SIPA1L1: variants seen among roughly 807,000 people sequenced by gnomAD.
The protein encoded by SIPA1L1 is signal induced proliferation associated 1 like 1, also known as signal-induced proliferation-associated 1-like protein 1.
A neutral mutation model predicts 162.7 loss-of-function variants in SIPA1L1; 26 were observed. That is an observed-to-expected ratio of 0.16 (90% CI 0.12 to 0.22). The LOEUF (loss-of-function observed/expected upper bound fraction) is 0.22. Among genes scored for constraint, SIPA1L1 ranks in the 10% least tolerant of loss-of-function variants. The pLI, the probability that SIPA1L1 is intolerant of heterozygous loss-of-function variation, is 1.00. For synonymous variants in SIPA1L1, 829 were observed against 837.4 expected, an observed-to-expected ratio of 0.99 and a Z score of 0.17; for missense variants, 1,874 against 2,241.0, an observed-to-expected ratio of 0.84 and a Z score of 3.31.
At chr14:71,495,886 C>CAAAA (rs61183823) in intron 2 of SIPA1L1, among the ~76,000 whole-genome samples, 123 of 37,878 alleles carry the variant, frequency 3.2e-3, no homozygotes, top group African/African-American at 7.3e-3. Flanking sequence ...TCCATCTCTA[C>CAAAA]AAAAAAAAAA....
At chr14:71,453,304 G>A (rs967812201) in intron 2 of SIPA1L1, among the ~76,000 whole-genome samples, 4 of 152,030 alleles carry the variant, frequency 2.6e-5, no homozygotes, top group African/African-American at 7.2e-5. Context: ...TGCTCTGCTG[G>A]CCAGGCTGTA....
chr14:71,630,840 A>G (rs1246847807), intron 7 of SIPA1L1, among the ~76,000 whole-genome samples: 1 of 151,732 alleles, frequency 6.6e-6, no homozygotes, highest in East Asian at 1.9e-4. Flanking sequence ...ATGCATATGC[A>G]GCTTTATTTC....
At chr14:71,448,305 A>T (rs2045566564) in intron 2 of SIPA1L1, among the ~76,000 whole-genome samples, 3 of 152,168 alleles carry the variant, frequency 2.0e-5, no homozygotes, top group Non-Finnish European at 4.4e-5. Flanking sequence ...TTGATCAATC[A>T]GTTGCCATGT....
intron 5 of SIPA1L1, among the ~76,000 whole-genome samples, chr14:71,590,579 A>T (rs2035257123): frequency 6.6e-6 from 1 of 152,180 alleles, no homozygotes; most frequent in Admixed American, 6.6e-5. Context: ...AGGCTTGTTG[A>T]CGGAAACAAT....
At chr14:71,693,184 T>TTTGAATGTTATATTGGCG (rs2081368898) in intron 13 of SIPA1L1, among the ~76,000 whole-genome samples, 1 of 152,192 alleles carries the variant, frequency 6.6e-6, no homozygotes, top group African/African-American at 2.4e-5. Context: ...GAGCATTTCA[T>TTTGAATGTTATATTGGCG]TTGAATGTTA....
In SIPA1L1 at chr14:71,705,255, T is replaced by A. The variant is rs749456690; in HGVS notation, c.3680T>A (p.Val1227Glu). The change falls in exon 16 of 24, where the codon GTA (valine) becomes GAA (glutamate). Residue 1227 changes from valine (V) to glutamate (E), a missense_variant. Transcript: ENST00000381232. ...PTCHLPAVSK[V>E]LPAFRESPSG... is the part of the protein sequence containing the mutation. Reference sequence around the variant, plus strand: ...TGCCATCTCCCAGCAGTATCAAAGGTACTGCCAGCTTTCCGAGAGAGCCCC... The same window carrying A: ...TGCCATCTCCCAGCAGTATCAAAGGAACTGCCAGCTTTCCGAGAGAGCCCC... 1 of 1,614,164 alleles carries A rather than the reference T, an allele frequency of 6.2e-7. No individual in the cohort carries two copies. The highest frequency in any genetic ancestry group is 2.2e-5 in the East Asian group (1 of 44,874).
At chr14:71,618,927 T>TG in intron 6 of SIPA1L1, 40 bp downstream of exon 6, 1 of 1,603,012 alleles carries the variant, frequency 6.2e-7, no homozygotes, top group Non-Finnish European at 8.5e-7. Context: ...TTAACTGAAA[T>TG]GGGGAAGAAA....
At chr14:71,345,095 G>T (rs966896230) in intron 2 of SIPA1L1, among the ~76,000 whole-genome samples, 6 of 152,132 alleles carry the variant, frequency 3.9e-5, no homozygotes, top group African/African-American at 7.2e-5. Flanking sequence ...AAGAGCCCAG[G>T]TGGGAGTGGG....
chr14:71,623,068 C>A (rs1268629304), intron 6 of SIPA1L1, among the ~76,000 whole-genome samples: 2 of 152,196 alleles, frequency 1.3e-5, no homozygotes, highest in African/African-American at 2.4e-5. Flanking sequence ...TTCAGTGGGG[C>A]CTTTCTTTAT....
At chr14:71,381,534 ATGTT>A (rs777532415) in intron 2 of SIPA1L1, among the ~76,000 whole-genome samples, 3 of 152,236 alleles carry the variant, frequency 2.0e-5, no homozygotes, top group Non-Finnish European at 4.4e-5. Flanking sequence ...ATATAACTGA[ATGTT>A]TGTATTTGTT....
At chr14:71,406,441 G>A (rs1297823673) in intron 2 of SIPA1L1, among the ~76,000 whole-genome samples, 1 of 152,016 alleles carries the variant, frequency 6.6e-6, no homozygotes, top group Non-Finnish European at 1.5e-5. Context: ...ATGACTTGGG[G>A]TCAAAGAACC....
chr14:71,400,779 T>G (rs536274454), intron 2 of SIPA1L1: 9 of 152,300 alleles, frequency 5.9e-5, no homozygotes, highest in Admixed American at 4.6e-4. Context: ...TAATGTTTTG[T>G]CGTATTTGCT....
intron 8 of SIPA1L1, among the ~76,000 whole-genome samples, chr14:71,655,969 T>G (rs2043020249): frequency 1.3e-5 from 2 of 152,192 alleles, no homozygotes; most frequent in Admixed American, 1.3e-4. Context: ...TCTTTTTTCA[T>G]TCTTTCTGGT....
In SIPA1L1 at chr14:71,590,038, AAAAAAAATAT is replaced by A. The variant is rs1489169314; in HGVS notation, c.1498+670_1498+679del. Reference sequence around the variant, plus strand: ...TGGGAGAGTAAAAAAAAAAAAAAAAAAAAAAAATATATATATATATATATATATATATATA... The same window carrying A: ...TGGGAGAGTAAAAAAAAAAAAAAAAAATATATATATATATATATATATATA... On this transcript the variant is annotated intron_variant, in intron 5 of 23. Coordinates refer to ENST00000381232, the MANE Select transcript of SIPA1L1 (RefSeq NM_001386936.1). Among the ~76,000 whole-genome samples the A allele has an allele frequency of 9.4e-3, 636 of 67,852 alleles. 2 individuals are homozygous for A. Among genetic ancestry groups the A allele is most frequent in the African/African-American group, 0.038 (612 of 16,230 alleles). The allele number at this position is 67,852 out of a possible 152,430, so 44.5% of individuals were successfully genotyped here. A position where few individuals can be genotyped will look rare whatever the true frequency, so the allele number is the denominator to read the frequency against.
intron 4 of SIPA1L1, among the ~76,000 whole-genome samples, chr14:71,532,484 C>T (rs946340399): frequency 1.3e-5 from 2 of 152,120 alleles, no homozygotes; most frequent in Non-Finnish European, 2.9e-5. Flanking sequence ...TTGTGGGGAA[C>T]GGCCCCCTGG....
At chr14:71,679,679 A>G (rs1566635297) in intron 12 of SIPA1L1, among the ~76,000 whole-genome samples, 1 of 152,386 alleles carries the variant, frequency 6.6e-6, no homozygotes, top group East Asian at 1.9e-4. Context: ...TGCTATATTC[A>G]GGAGACCCAT....
intron 2 of SIPA1L1, among the ~76,000 whole-genome samples, chr14:71,474,254 A>G (rs1033602440): frequency 2.0e-5 from 3 of 152,366 alleles, no homozygotes; most frequent in African/African-American, 7.2e-5. Context: ...TCAACTATGA[A>G]GTTAGCTGGA....
intron 2 of SIPA1L1, among the ~76,000 whole-genome samples, chr14:71,394,052 C>T (rs1040027724): frequency 1.3e-5 from 2 of 152,196 alleles, no homozygotes; most frequent in Non-Finnish European, 2.9e-5. Flanking sequence ...GCTAGGGCAG[C>T]GTTGTTATCT....
intron 5 of SIPA1L1, among the ~76,000 whole-genome samples, chr14:71,616,901 G>A (rs1252468153): frequency 6.6e-6 from 1 of 152,124 alleles, no homozygotes; most frequent in East Asian, 1.9e-4. Context: ...CAGCAGCAGA[G>A]AACTGCCATG....
Sources: allele counts gnomAD v4.1 joint callset (sites outside exome capture counted in the v4.1 genomes callset), GRCh38; gene constraint gnomAD v4.1.1; transcripts MANE v1.5; gene names NCBI Gene and HGNC (gene_info 2026-07-23, HGNC 2026-07-21).